MLH3: variants seen among roughly 807,000 people sequenced by gnomAD.
MLH3 encodes the protein mutL homolog 3.
Under a neutral mutation model 122.2 loss-of-function variants are expected in MLH3, and 82 were observed. That is an observed-to-expected ratio of 0.67 (90% CI 0.56 to 0.81). The LOEUF (loss-of-function observed/expected upper bound fraction) is 0.81. Ranked by LOEUF, MLH3 falls within the 30% of genes least tolerant of loss-of-function variation. MLH3 has a pLI of 0.00. For missense variants in MLH3, 1,539 were observed against 1,714.5 expected (o/e 0.90, Z 1.81); for synonymous variants, 524 against 599.5 (o/e 0.87, Z 1.84).
In MLH3 at chr14:75,047,537, CTGTT is replaced by C. The variant is rs759727553; in HGVS notation, c.2115_2118del (p.Thr706IlefsTer27). ...GGGGATGTATCAGATAATATGCAATCTGTTTGTGATTTTTTGCTACCTTCCTGAA... is the reference window on the plus strand; with the variant it reads ...GGGGATGTATCAGATAATATGCAATCTGTGATTTTTTGCTACCTTCCTGAA... On this transcript the variant is annotated frameshift_variant, in exon 2 of 13. Transcript: ENST00000355774. LOFTEE classifies it high-confidence loss of function. The C allele has an allele frequency of 2.5e-6, 4 of 1,613,952 alleles. No individual in the cohort carries two copies. Among genetic ancestry groups the C allele is most frequent in the Admixed American group, 3.3e-5 (2 of 60,014 alleles).
Position 75,016,966 on chromosome 14 carries a change from C to A in MLH3, c.*116G>T. 1 of 1,247,610 alleles carries A rather than the reference C, an allele frequency of 8.0e-7. No homozygotes were observed. The highest frequency in any genetic ancestry group is 1.7e-5 in the Admixed American group (1 of 58,928). 77.3% of individuals were successfully genotyped at this position (1,247,610 alleles called of 1,614,324 possible). On this transcript the variant is annotated 3_prime_UTR_variant, in exon 13 of 13. Coordinates refer to ENST00000355774, the MANE Select transcript of MLH3 (RefSeq NM_001040108.2). ...ACAGAGAGCCCTGCTGTCTAAGCTGCTCAGGGACACTGGGCTGATTCAGTC... is the reference window on the plus strand; with the variant it reads ...ACAGAGAGCCCTGCTGTCTAAGCTGATCAGGGACACTGGGCTGATTCAGTC...
At chr14:75,026,597 C>T (rs1255064335) in intron 9 of MLH3, among the ~76,000 whole-genome samples, 3 of 152,058 alleles carry the variant, frequency 2.0e-5, no homozygotes, top group Non-Finnish European at 4.4e-5. Context: ...GGGAAAGAAA[C>T]GTTTGAGGTG....
At chr14:75,043,463 C>A (rs533913808) in intron 2 of MLH3, among the ~76,000 whole-genome samples, 1 of 152,336 alleles carries the variant, frequency 6.6e-6, no homozygotes, top group South Asian at 2.1e-4. Flanking sequence ...AAAAAGTGAA[C>A]AGGTAGACAA....
chr14:75,019,648 T>G (rs1372723249), intron 11 of MLH3, among the ~76,000 whole-genome samples: 1 of 152,176 alleles, frequency 6.6e-6, no homozygotes, highest in Non-Finnish European at 1.5e-5. Flanking sequence ...GTTGGGGTTA[T>G]CTTTCTCCAT....
chr14:75,042,993 G>A (rs1356544165), intron 2 of MLH3, among the ~76,000 whole-genome samples: 1 of 152,186 alleles, frequency 6.6e-6, no homozygotes, highest in East Asian at 1.9e-4. Flanking sequence ...GGCCGGGCTG[G>A]TCTCAAACTC....
rs2139545393 is a variant in MLH3, at chr14:75,046,451, C to A, written c.3205G>T (p.Ala1069Ser). ...GCAGCCTGAATGTCCTCAGTTGGGG[C>A]AATGAATGTGCTGAGTCCAGTCATT... Reference protein sequence around the residue: ...NKMTGLSTFIAPTEDIQAACT... With the variant: ...NKMTGLSTFISPTEDIQAACT... The change falls in exon 2 of 13, where the codon GCC becomes TCC. Residue 1069 changes from alanine (A) to serine (S), a missense_variant. By Grantham distance (99) the Ala-to-Ser change is moderately conservative. Transcript: ENST00000355774. 3.7e-6 allele frequency: 6 copies of A among 1,614,158 alleles called. No homozygotes were observed. The highest frequency in any genetic ancestry group is 5.1e-6 in the Non-Finnish European group (6 of 1,180,010).
chr14:75,031,196 T>C (rs1472107030), intron 8 of MLH3, among the ~76,000 whole-genome samples: 1 of 152,182 alleles, frequency 6.6e-6, no homozygotes, highest in Non-Finnish European at 1.5e-5. Context: ...CTGAAACATA[T>C]TGGGAGAAAT....
At position 75,023,448 on chromosome 14, in the gene MLH3, C is replaced by T. The variant is rs114953041; in HGVS notation, c.3988-430G>A. Among the ~76,000 whole-genome samples, 303 of 152,312 alleles carry T rather than the reference C, an allele frequency of 2.0e-3. 3 individuals are homozygous for T. The highest frequency in any genetic ancestry group is 7.0e-3 in the African/African-American group (290 of 41,578). On this transcript the variant is annotated intron_variant, in intron 9 of 12. Transcript: ENST00000355774. The stretch of plus-strand genomic sequence containing the variant: ...ACAACAACCATCAACACAACCACTG[C>T]TCAGTATAACACTTGCTTAAATATC...
chr14:75,021,203 A>G (rs1391439901), intron 11 of MLH3, among the ~76,000 whole-genome samples: 1 of 152,228 alleles, frequency 6.6e-6, no homozygotes, highest in East Asian at 1.9e-4. Flanking sequence ...CAAAAACCCT[A>G]GAAGAAAACC....
rs751899868 is a variant in MLH3, at chr14:75,041,619, G to A, written c.3461C>T (p.Pro1154Leu). The A allele has an allele frequency of 1.9e-6, 3 of 1,611,920 alleles. No homozygotes were observed. The highest frequency in any genetic ancestry group is 2.2e-5 in the South Asian group (2 of 91,014). ...EWDNPVFARY[P>L]EVAVDVSSGQ... ...GAAAAACTGCTACAGACCCACCTCT[G>A]GATAACGGGCAAATACTGGATTGTC... The change falls in exon 4 of 13, where the codon CCA becomes CTA. Residue 1154 changes from proline to leucine, a missense_variant. Transcript: ENST00000355774.
intron 5 of MLH3, among the ~76,000 whole-genome samples, chr14:75,039,556 A>G (rs1431546394): frequency 6.6e-6 from 1 of 152,128 alleles, no homozygotes; most frequent in Non-Finnish European, 1.5e-5. Context: ...CAAGGTCACT[A>G]AAGGACTTTG....
intron 9 of MLH3, among the ~76,000 whole-genome samples, chr14:75,028,956 T>C (rs1258982701): frequency 6.7e-6 from 1 of 150,352 alleles, no homozygotes; most frequent in Non-Finnish European, 1.5e-5. Flanking sequence ...CAATACCAGC[T>C]TGGCCAACAT....
intron 11 of MLH3, among the ~76,000 whole-genome samples, chr14:75,019,867 T>G (rs1237943331): frequency 1.3e-5 from 2 of 152,186 alleles, no homozygotes; most frequent in African/African-American, 4.8e-5. Flanking sequence ...ACAGATAATT[T>G]CCATCCTCAT....
In MLH3 at chr14:75,039,975, G is replaced by T; in HGVS notation, c.3506C>A (p.Ala1169Glu). The T allele has an allele frequency of 6.2e-7, 1 of 1,600,130 alleles. No individual in the cohort carries two copies. The highest frequency in any genetic ancestry group is 8.5e-7 in the Non-Finnish European group (1 of 1,170,988). Reference protein sequence around the residue: ...DVSSGQAESLAVKIHNILYPY... With the variant: ...DVSSGQAESLEVKIHNILYPY... ...ATACAAGATGTTGTGAATTTTAACT[G>T]CTAAGCTCTCAGCCTGGCCACTGCT... The change falls in exon 5 of 13, where the codon GCA becomes GAA. Residue 1169 changes from alanine (A) to glutamate (E), a missense_variant. Physicochemically the swap from Ala to Glu is moderately radical, Grantham distance 107. Transcript: ENST00000355774.
chr14:75,015,807 T>C lies in MLH3; in HGVS notation c.*1275A>G, dbSNP rs1889853063. On this transcript the variant is annotated 3_prime_UTR_variant, in exon 13 of 13. Transcript: ENST00000355774. The stretch of plus-strand genomic sequence containing the variant: ...CAATACTTTCATTGCTCCTGTAAGA[T>C]TCACTTCAAGGCTGCTGGCAAAGGA... The C allele has an allele frequency of 4.5e-6, 1 of 223,706 alleles. No individual in the cohort carries two copies. Among genetic ancestry groups the C allele is most frequent in the African/African-American group, 2.2e-5 (1 of 44,826 alleles). 13.9% of individuals were successfully genotyped at this position (223,706 alleles called of 1,614,324 possible).
intron 11 of MLH3, among the ~76,000 whole-genome samples, chr14:75,022,258 T>C (rs529121963): frequency 1.3e-5 from 2 of 152,306 alleles, no homozygotes; most frequent in South Asian, 4.1e-4. Flanking sequence ...ACCAAACCCC[T>C]GCGACATGCA....
chr14:75,037,203 C>A (rs1290911208), intron 6 of MLH3, among the ~76,000 whole-genome samples: 1 of 152,156 alleles, frequency 6.6e-6, no homozygotes, highest in Non-Finnish European at 1.5e-5. Flanking sequence ...GAATAAATCA[C>A]AAATTGCATG....
At chr14:75,044,057 T>C (rs2139521748) in intron 2 of MLH3, among the ~76,000 whole-genome samples, 1 of 152,006 alleles carries the variant, frequency 6.6e-6, no homozygotes. Context: ...CCATTTCACT[T>C]TAGCCTGGGC....
intron 11 of MLH3, among the ~76,000 whole-genome samples, chr14:75,021,894 G>C (rs896637694): frequency 1.3e-5 from 2 of 152,168 alleles, no homozygotes; most frequent in Non-Finnish European, 2.9e-5. Flanking sequence ...GCTCACTGCA[G>C]CACTATTTAC....
Sources: allele counts gnomAD v4.1 joint callset (sites outside exome capture counted in the v4.1 genomes callset), GRCh38; gene constraint gnomAD v4.1.1; transcripts MANE v1.5; gene names NCBI Gene and HGNC (gene_info 2026-07-23, HGNC 2026-07-21).